The following MYO18B variants were observed in gnomAD, a reference collection of about 807,000 sequenced individuals.
MYO18B encodes the protein myosin XVIIIB.
In MYO18B, 204 loss-of-function variants were observed where a neutral mutation model predicts 273.0. The observed-to-expected ratio is 0.75, with a 90% CI of 0.67 to 0.84. MYO18B has a LOEUF of 0.84. MYO18B is among the 40% of genes least tolerant of loss of function. The probability of loss-of-function intolerance (pLI) is 0.00; values close to 1 mark genes in which losing one functional copy is unlikely to be tolerated. For missense variants in MYO18B, 3,212 were observed against 3,287.6 expected, an observed-to-expected ratio of 0.98 and a Z score of 0.56; for synonymous variants, 1,330 against 1,305.7, an observed-to-expected ratio of 1.02 and a Z score of -0.40.
chr22:26,015,515 C>G (rs954094899), intron 42 of MYO18B, among the ~76,000 whole-genome samples: 1 of 152,160 alleles, frequency 6.6e-6, no homozygotes. Flanking sequence ...ATGAATGGAG[C>G]TGGAGGCCAT....
chr22:25,813,594 A>G (rs934911016), intron 12 of MYO18B, among the ~76,000 whole-genome samples: 1 of 152,190 alleles, frequency 6.6e-6, no homozygotes, highest in Middle Eastern at 3.2e-3. Context: ...AGCGTGCTCT[A>G]GGCAGAGGAA....
intron 1 of MYO18B, among the ~76,000 whole-genome samples, chr22:25,758,724 G>T (rs562967370): frequency 2.6e-5 from 4 of 152,038 alleles, no homozygotes; most frequent in African/African-American, 9.6e-5. Flanking sequence ...ACAGTAAATG[G>T]GCATGAAAAG....
intron 21 of MYO18B, among the ~76,000 whole-genome samples, chr22:25,859,773 G>A (rs917681290): frequency 6.6e-6 from 1 of 152,052 alleles, no homozygotes; most frequent in Non-Finnish European, 1.5e-5. Flanking sequence ...TTTATCAGAT[G>A]TATCTTTGAA....
chr22:25,921,935 G>A (rs144478703), intron 34 of MYO18B, among the ~76,000 whole-genome samples: 135 of 151,942 alleles, frequency 8.9e-4, no homozygotes, highest in African/African-American at 3.0e-3. Context: ...CTTAACAATA[G>A]CAACAGTTAT....
At chr22:26,037,169 A>AC in the MYO18B span, among the ~76,000 whole-genome samples, 1 of 152,186 alleles carries the variant, frequency 6.6e-6, no homozygotes, top group African/African-American at 2.4e-5. Flanking sequence ...CTGGGAGGCA[A>AC]CGGGGACCAG....
intron 40 of MYO18B, among the ~76,000 whole-genome samples, chr22:25,999,164 G>A (rs1933655325): frequency 1.3e-5 from 2 of 152,290 alleles, no homozygotes; most frequent in East Asian, 1.9e-4. Context: ...CCCAATCCAT[G>A]CAGTAGGTGA....
At chr22:26,011,192 A>G (rs573256797) in intron 42 of MYO18B, among the ~76,000 whole-genome samples, 41 of 151,886 alleles carry the variant, frequency 2.7e-4, no homozygotes, top group African/African-American at 8.7e-4. Context: ...TGGGGCAACA[A>G]GATGGCGGCT....
In MYO18B at chr22:25,856,548, G is replaced by A. The variant is rs76198892; in HGVS notation, c.3885+4969G>A. ...CACTAAAACATTTGATGTTTCCAAG[G>A]GAGGTGAGAGTGGGGCACTCAGGGA... On this transcript the variant is annotated intron_variant, in intron 21 of 43. Coordinates refer to ENST00000335473, the MANE Select transcript of MYO18B (RefSeq NM_032608.7). 4.7e-3 allele frequency among the ~76,000 whole-genome samples: 720 copies of A among 152,332 alleles called. 5 individuals are homozygous for A. Among genetic ancestry groups the A allele is most frequent in the African/African-American group, 0.017 (688 of 41,580 alleles).
chr22:25,991,018 T>A (rs1171413083), intron 39 of MYO18B, among the ~76,000 whole-genome samples: 1 of 122,544 alleles, frequency 8.2e-6, no homozygotes, highest in Non-Finnish European at 1.7e-5. Flanking sequence ...AGCATGATAC[T>A]GCTCGGATCT....
rs756161399 is a variant in MYO18B at position 25,873,497 on chromosome 22, A to G, written c.3952-789A>G. On this transcript the variant is annotated intron_variant, in intron 22 of 43. Transcript: ENST00000335473. Reference sequence around the variant, plus strand: ...GGAGTTTTGTCTGGGCTGGAGTGCAATGGCACTATCTTGGCTCACCACAAC... The same window carrying G: ...GGAGTTTTGTCTGGGCTGGAGTGCAGTGGCACTATCTTGGCTCACCACAAC... Among the ~76,000 whole-genome samples the G allele has an allele frequency of 1.4e-4, 22 of 151,974 alleles. 1 individual carries two copies. The highest frequency in any genetic ancestry group is 2.8e-4 in the Non-Finnish European group (19 of 67,952).
At chr22:25,961,144 C>T (rs1287191580) in intron 39 of MYO18B, among the ~76,000 whole-genome samples, 1 of 151,696 alleles carries the variant, frequency 6.6e-6, no homozygotes, top group Non-Finnish European at 1.5e-5. Flanking sequence ...ATTGCTTGAG[C>T]CCAGGAGTTC....
chr22:25,939,006 G>A, intron 34 of MYO18B, among the ~76,000 whole-genome samples: 1 of 152,142 alleles, frequency 6.6e-6, no homozygotes, highest in East Asian at 1.9e-4. Context: ...ATAGAGATGA[G>A]GTCTAGCTAT....
Position 25,908,480 on chromosome 22 carries a change from G to A in MYO18B, c.5259+48G>A, listed in dbSNP as rs776558831. 9.5e-6 allele frequency: 14 copies of A among 1,474,784 alleles called. 1 individual carries two copies. The highest frequency in any genetic ancestry group is 8.4e-5 in the African/African-American group (6 of 71,476). 91.4% of individuals were successfully genotyped at this position (1,474,784 alleles called of 1,614,324 possible). On this transcript the variant is annotated intron_variant, in intron 32 of 43. Transcript: ENST00000335473. ...TGTGCCCTTGGATCCTGGCAGGTCT[G>A]GCATGGATTCCCTCTTCCTTAGAGC... is the stretch of plus-strand genomic sequence containing the variant.
intron 1 of MYO18B, among the ~76,000 whole-genome samples, chr22:25,760,433 A>C (rs1383336826): frequency 3.3e-4 from 48 of 146,444 alleles, no homozygotes; most frequent in Non-Finnish European, 5.5e-4. Flanking sequence ...AAAAAAAAAA[A>C]ACACAAAAAC....
At chr22:26,034,712 G>A (rs554805884), downstream of MYO18B, among the ~76,000 whole-genome samples, 15 of 152,266 alleles carry the variant, frequency 9.9e-5, no homozygotes, top group East Asian at 2.9e-3. Flanking sequence ...TATACCCTGA[G>A]GCCATTTTTA....
Position 25,889,716 on chromosome 22 carries a change from C to T in MYO18B, c.4315-1040C>T, listed in dbSNP as rs573525515. ...CTCTGCCATATCCTCAAACCCTGAA[C>T]GCTTCATTTTGGAACGATAATGCCA... On this transcript the variant is annotated intron_variant, in intron 25 of 43. Transcript: ENST00000335473. 9.9e-5 allele frequency among the ~76,000 whole-genome samples: 15 copies of T among 152,096 alleles called. No homozygotes were observed. In the East Asian group the frequency reaches 1.2e-3, roughly 12 times the overall value.
chr22:26,038,866 C>T, the MYO18B span, among the ~76,000 whole-genome samples: 1 of 152,120 alleles, frequency 6.6e-6, no homozygotes. Context: ...TTAAAACTTG[C>T]CCCAGGTGCA....
intron 42 of MYO18B, among the ~76,000 whole-genome samples, chr22:26,013,248 G>C (rs552143959): frequency 6.6e-6 from 1 of 152,254 alleles, no homozygotes; most frequent in South Asian, 2.1e-4. Flanking sequence ...GGCAATGTCT[G>C]GAGACATTTT....
chr22:25,860,134 A>T (rs2090688285), intron 21 of MYO18B, among the ~76,000 whole-genome samples: 1 of 152,198 alleles, frequency 6.6e-6, no homozygotes, highest in Non-Finnish European at 1.5e-5. Flanking sequence ...TTTGTCAAAC[A>T]TTTATTGGCC....
Sources: gnomAD v4.1 joint callset for allele counts (sites outside exome capture counted in the v4.1 genomes callset) on GRCh38, gnomAD v4.1.1 for gene constraint, MANE v1.5 for transcripts, NCBI Gene and HGNC (gene_info 2026-07-23, HGNC 2026-07-21) for gene names.